Variants in PDE8B observed in about 807,000 individuals in gnomAD.
The protein encoded by PDE8B is phosphodiesterase 8B.
PDE8B carries 26 observed loss-of-function variants against 101.3 expected under a neutral mutation model. That is an observed-to-expected ratio of 0.26 (90% CI 0.19 to 0.36). PDE8B has a LOEUF of 0.36. PDE8B is among the 10% of genes least tolerant of loss of function. The pLI, the probability that PDE8B is intolerant of heterozygous loss-of-function variation, is 1.00. For synonymous variants in PDE8B, 424 were observed against 429.3 expected, an observed-to-expected ratio of 0.99 and a Z score of 0.15; for missense variants, 810 against 1,163.1, an observed-to-expected ratio of 0.70 and a Z score of 4.42.
intron 10 of PDE8B, among the ~76,000 whole-genome samples, chr5:77,375,898 T>G (rs1581329261): frequency 6.9e-6 from 1 of 144,414 alleles, no homozygotes; most frequent in East Asian, 2.0e-4. Flanking sequence ...TCTTTTTTTT[T>G]TTTTTTTTTT....
intron 10 of PDE8B, among the ~76,000 whole-genome samples, chr5:77,373,665 CAGTTT>C (rs1477308066): frequency 6.6e-6 from 1 of 152,096 alleles, no homozygotes; most frequent in East Asian, 1.9e-4. Context: ...TTGCATTTAT[CAGTTT>C]ATTTTCTTAT....
chr5:77,092,296 CTT>C, the PDE8B span, among the ~76,000 whole-genome samples: 1 of 152,004 alleles, frequency 6.6e-6, no homozygotes, highest in Non-Finnish European at 1.5e-5. Context: ...TCAGAAATCT[CTT>C]TCTTGTGTTA....
Position 77,375,725 on chromosome 5 carries a change from G to T in PDE8B, c.1167+22319G>T, listed in dbSNP as rs184034738. Among the ~76,000 whole-genome samples the T allele has an allele frequency of 2.0e-5, 3 of 152,252 alleles. No homozygotes were observed. The East Asian group carries it at 5.8e-4, about 29-fold the overall frequency. ...GTGGTAGTCTAGTAAGTGGCGCTCAGCGTGGGCTTGGGTGGCATTTTTATC... is the reference window on the plus strand; with the variant it reads ...GTGGTAGTCTAGTAAGTGGCGCTCATCGTGGGCTTGGGTGGCATTTTTATC... On this transcript the variant is annotated intron_variant, in intron 10 of 21. Transcript: ENST00000264917.
intron 1 of PDE8B, among the ~76,000 whole-genome samples, chr5:77,241,053 G>A (rs1388332249): frequency 4.6e-5 from 7 of 152,194 alleles, no homozygotes; most frequent in Non-Finnish European, 8.8e-5. Context: ...GCAAACAGGA[G>A]TTGCAATCAA....
At chr5:77,152,339 A>C in the PDE8B span, among the ~76,000 whole-genome samples, 12 of 152,198 alleles carry the variant, frequency 7.9e-5, no homozygotes, top group Non-Finnish European at 1.5e-4. Flanking sequence ...ATTTTTTATC[A>C]ACTGAAAATG....
rs1363454643 is a variant in PDE8B, at chr5:77,309,974, A to G, written c.340-2020A>G. ...TTTTTTTTTTTTTTTTTTGAGATGG[A>G]GTTTTGCTCTTGTTGCCCAGGCTGG... On this transcript the variant is annotated intron_variant, in intron 1 of 21. Transcript: ENST00000264917. Among the ~76,000 whole-genome samples the G allele has an allele frequency of 3.9e-4, 24 of 61,380 alleles. 1 individual carries two copies. Among genetic ancestry groups the G allele is most frequent in the Non-Finnish European group, 1.2e-4 (4 of 34,020 alleles). The allele number at this position is 61,380 out of a possible 152,430, so 40.3% of individuals were successfully genotyped here. A position where few individuals can be genotyped will look rare whatever the true frequency, so the allele number is the denominator to read the frequency against.
chr5:77,138,801 A>T, the PDE8B span, among the ~76,000 whole-genome samples: 44 of 152,342 alleles, frequency 2.9e-4, no homozygotes, highest in Non-Finnish European at 5.7e-4. Flanking sequence ...GATACAGATA[A>T]GTCTTGTTGA....
the PDE8B span, among the ~76,000 whole-genome samples, chr5:77,181,558 T>C: frequency 2.0e-5 from 3 of 152,206 alleles, no homozygotes; most frequent in Non-Finnish European, 4.4e-5. Context: ...TCCATTCTGC[T>C]TCTGGCTCAA....
rs1489611627 is a variant in PDE8B at position 77,421,809 on chromosome 5, T to C, written c.2251-12T>C. On this transcript the variant is annotated splice_polypyrimidine_tract_variant and intron_variant, in intron 19 of 21. Transcript: ENST00000264917. ...TCTTGAACCAAGCCTGATCTGACCA[T>C]CTGTTTTCCAGATTGAAGGCAGCGA... 6.2e-7 allele frequency: 1 copy of C among 1,613,724 alleles called. No individual in the cohort carries two copies. Among genetic ancestry groups the C allele is most frequent in the Middle Eastern group, 1.7e-4 (1 of 6,056 alleles).
chr5:77,414,338 T>C (rs911971366), intron 17 of PDE8B, among the ~76,000 whole-genome samples: 2 of 152,240 alleles, frequency 1.3e-5, no homozygotes, highest in African/African-American at 4.8e-5. Flanking sequence ...AATAGTGATA[T>C]CAACCTATGT....
At chr5:77,114,056 G>C in the PDE8B span, 1 of 152,204 alleles carries the variant, frequency 6.6e-6, no homozygotes, top group Admixed American at 6.5e-5. Context: ...CTTTTACACT[G>C]TTGGTGGGAG....
chr5:77,404,969 A>G (rs562309102), intron 12 of PDE8B, among the ~76,000 whole-genome samples, 172 bp downstream of exon 12: 1 of 152,224 alleles, frequency 6.6e-6, no homozygotes. Flanking sequence ...AATTATTTTT[A>G]AAAATCTTAT....
intron 1 of PDE8B, among the ~76,000 whole-genome samples, chr5:77,274,631 G>A (rs1447883200): frequency 1.3e-5 from 2 of 152,116 alleles, no homozygotes; most frequent in Non-Finnish European, 2.9e-5. Flanking sequence ...GAAGATTAAT[G>A]TGCTTTATTG....
At chr5:77,344,678 T>C (rs1221008973) in intron 6 of PDE8B, among the ~76,000 whole-genome samples, 175 bp from the exon 7 acceptor site, 5 of 152,326 alleles carry the variant, frequency 3.3e-5, no homozygotes, top group Middle Eastern at 6.8e-3. Flanking sequence ...TACTATCACA[T>C]TGGATGTTAG....
chr5:77,283,669 T>C (rs1765457687), intron 1 of PDE8B, among the ~76,000 whole-genome samples: 1 of 152,236 alleles, frequency 6.6e-6, no homozygotes, highest in Admixed American at 6.5e-5. Context: ...GTTGACAAAC[T>C]ATTTCTTTTT....
At chr5:77,110,857 A>G in the PDE8B span, among the ~76,000 whole-genome samples, 1 of 152,188 alleles carries the variant, frequency 6.6e-6, no homozygotes, top group African/African-American at 2.4e-5. Flanking sequence ...CTATCCTTCC[A>G]AACCTATCTG....
the PDE8B span, chr5:77,105,017 G>C: frequency 2.0e-5 from 3 of 152,096 alleles, no homozygotes. Context: ...GTTTAGAAAA[G>C]TTTGCATTTT....
chr5:77,227,683 A>T (rs1752702186), intron 1 of PDE8B, among the ~76,000 whole-genome samples: 3 of 152,196 alleles, frequency 2.0e-5, no homozygotes, highest in Admixed American at 2.0e-4. Flanking sequence ...AATGGAAGAC[A>T]GAGTTGGTTA....
the PDE8B span, among the ~76,000 whole-genome samples, chr5:77,110,348 A>T: frequency 6.6e-6 from 1 of 152,184 alleles, no homozygotes; most frequent in Non-Finnish European, 1.5e-5. Flanking sequence ...TGTGAGATAG[A>T]TATGACTGAT....
Sources: allele counts gnomAD v4.1 joint callset (sites outside exome capture counted in the v4.1 genomes callset), GRCh38; gene constraint gnomAD v4.1.1; transcripts MANE v1.5; gene names NCBI Gene and HGNC (gene_info 2026-07-23, HGNC 2026-07-21).